Variants in GALNT9 observed in about 807,000 individuals in gnomAD.
The protein encoded by GALNT9 is GalNAc transferase 9.
A neutral mutation model predicts 63.1 loss-of-function variants in GALNT9; 47 were observed. The observed-to-expected ratio is 0.75, with a 90% CI of 0.59 to 0.95. The LOEUF (loss-of-function observed/expected upper bound fraction) is 0.95. Among genes scored for constraint, GALNT9 ranks in the 40% least tolerant of loss-of-function variants. The pLI, the probability that GALNT9 is intolerant of heterozygous loss-of-function variation, is 0.00. For synonymous variants in GALNT9, 396 were observed against 365.7 expected, an observed-to-expected ratio of 1.08 and a Z score of -0.94; for missense variants, 829 against 874.8, an observed-to-expected ratio of 0.95 and a Z score of 0.66.
At chr12:132,219,344 T>C (rs1877343946) in intron 6 of GALNT9, among the ~76,000 whole-genome samples, 1 of 152,192 alleles carries the variant, frequency 6.6e-6, no homozygotes, top group Admixed American at 6.5e-5. Flanking sequence ...GATAGATCAG[T>C]TGTTTTAAAA....
intron 1 of GALNT9, among the ~76,000 whole-genome samples, chr12:132,303,344 A>C (rs1881381484): frequency 6.6e-6 from 1 of 150,430 alleles, no homozygotes; most frequent in Admixed American, 6.6e-5. Context: ...ACCACCAAAA[A>C]CGGAAGCAGA....
intron 3 of GALNT9, among the ~76,000 whole-genome samples, chr12:132,261,532 G>C (rs1398929485): frequency 6.6e-6 from 1 of 152,188 alleles, no homozygotes; most frequent in Non-Finnish European, 1.5e-5. Flanking sequence ...ACAGGTAGCC[G>C]AGCTGGACTG....
chr12:132,204,172 A>T lies in GALNT9; in HGVS notation c.1078-482T>A, dbSNP rs111286744. 2.1e-4 allele frequency among the ~76,000 whole-genome samples: 3 copies of T among 14,406 alleles called. No individual in the cohort carries two copies. The Admixed American group carries it at 2.1e-3, about 10-fold the overall frequency. The allele number at this position is 14,406 out of a possible 152,430, so 9.5% of individuals were successfully genotyped here. A position where few individuals can be genotyped will look rare whatever the true frequency, so the allele number is the denominator to read the frequency against. The stretch of plus-strand genomic sequence containing the variant: ...AATCAAAAGCCCAACCAGCCTCCCC[A>T]GCTAATAAAACCCCGCAGCCCCTGG... On this transcript the variant is annotated intron_variant, in intron 6 of 10. Transcript: ENST00000328957.
At chr12:132,309,880 G>A (rs996468976) in intron 1 of GALNT9, among the ~76,000 whole-genome samples, 3 of 152,236 alleles carry the variant, frequency 2.0e-5, no homozygotes, top group South Asian at 2.1e-4. Flanking sequence ...GCCACCACCC[G>A]TCCCCTGTTC....
intron 6 of GALNT9, among the ~76,000 whole-genome samples, chr12:132,215,461 G>A (rs1003407442): frequency 6.6e-6 from 1 of 152,252 alleles, no homozygotes. Flanking sequence ...TGGCCTCGAC[G>A]GAGAGCACAA....
chr12:132,213,057 CCGGG>C, intron 6 of GALNT9, among the ~76,000 whole-genome samples: 1 of 126,912 alleles, frequency 7.9e-6, no homozygotes, highest in African/African-American at 3.0e-5. Context: ...GAAACCCCAC[CCGGG>C]TCTGCAGCCC....
chr12:132,206,332 A>G (rs1054299409), intron 6 of GALNT9, among the ~76,000 whole-genome samples: 8 of 152,080 alleles, frequency 5.3e-5, no homozygotes, highest in Non-Finnish European at 1.2e-4. Context: ...TCAAAGCTCT[A>G]GTGCCAGAGA....
intron 6 of GALNT9, among the ~76,000 whole-genome samples, chr12:132,212,977 C>T (rs546575898): frequency 6.8e-6 from 1 of 147,364 alleles, no homozygotes; most frequent in African/African-American, 2.5e-5. Flanking sequence ...GAAACCCCAC[C>T]CGGGTCTACA....
chr12:132,215,878 C>T (rs1163933290), intron 6 of GALNT9, among the ~76,000 whole-genome samples: 3 of 150,880 alleles, frequency 2.0e-5, no homozygotes, highest in South Asian at 4.2e-4. Context: ...GGTGAGGGGG[C>T]GGAGAGTAGG....
chr12:132,266,174 G>A (rs931495434), intron 2 of GALNT9, among the ~76,000 whole-genome samples: 3 of 149,206 alleles, frequency 2.0e-5, no homozygotes, highest in African/African-American at 7.5e-5. Flanking sequence ...CGTATTTCAT[G>A]AACAGGCATG....
rs1303922129 is a variant in GALNT9 at position 132,316,700 on chromosome 12, G to T, written c.238+12266C>A. Among the ~76,000 whole-genome samples, 1 of 151,928 alleles carries T rather than the reference G, an allele frequency of 6.6e-6. No individual in the cohort carries two copies. Among genetic ancestry groups the T allele is most frequent in the Non-Finnish European group, 1.5e-5 (1 of 67,942 alleles). ...TCAGCCACCCTTTCAGATCCGACAG[G>T]GACGCCCACCCCAGCCCACTCCCTC... On this transcript the variant is annotated intron_variant, in intron 1 of 10. Coordinates refer to ENST00000328957, the MANE Select transcript of GALNT9 (RefSeq NM_001122636.2). This position sits in a 1 kb window ranked among gnomAD's most constrained non-coding sequence, Gnocchi z 4.3.
chr12:132,198,495 G>C (rs896097848), intron 9 of GALNT9, among the ~76,000 whole-genome samples: 3 of 151,486 alleles, frequency 2.0e-5, no homozygotes, highest in African/African-American at 7.3e-5. Flanking sequence ...GGGAGTGCTC[G>C]GAGGTCAACA....
At chr12:132,292,833 G>C (rs73473536) in intron 1 of GALNT9, among the ~76,000 whole-genome samples, 3,233 of 152,282 alleles carry the variant, frequency 0.021, 134 homozygotes, top group African/African-American at 0.074. Context: ...ACCGTTGTTC[G>C]GTGGAATCCA....
chr12:132,286,610 G>A lies in GALNT9; in HGVS notation c.239-180C>T, dbSNP rs1177099020. The stretch of plus-strand genomic sequence containing the variant: ...TCCAGAAAGTGCAAGGCTGTGCGCG[G>A]AGTGAGAGGGCGGTGCCAGGCGGAA... On this transcript the variant is annotated intron_variant, in intron 1 of 10. Transcript: ENST00000328957. The surrounding 1 kb of genome is among the most constrained non-coding windows in gnomAD (Gnocchi z 7.4). The A allele has an allele frequency of 1.0e-5, 11 of 1,100,692 alleles. No individual in the cohort carries two copies. Among genetic ancestry groups the A allele is most frequent in the Non-Finnish European group, 1.4e-5 (11 of 799,494 alleles). The allele number at this position is 1,100,692 out of a possible 1,614,324, so 68.2% of individuals were successfully genotyped here. A position where few individuals can be genotyped will look rare whatever the true frequency, so the allele number is the denominator to read the frequency against.
intron 5 of GALNT9, among the ~76,000 whole-genome samples, chr12:132,254,516 T>C (rs1195661394): frequency 6.6e-6 from 1 of 152,082 alleles, no homozygotes; most frequent in Non-Finnish European, 1.5e-5. Context: ...TGATCCTCTA[T>C]GCGAGAGGAG....
rs28577073 is a variant in GALNT9 at position 132,327,783 on chromosome 12, C to A, written c.238+1183G>T. ...TGCTCTGAGTCAGACAAAGCTGGGA[C>A]AACCCCTCCTCATGGGGATTCACCT... On this transcript the variant is annotated intron_variant, in intron 1 of 10. Transcript: ENST00000328957. The surrounding 1 kb of genome is among the most constrained non-coding windows in gnomAD (Gnocchi z 4.3). 3.9e-3 allele frequency among the ~76,000 whole-genome samples: 599 copies of A among 152,206 alleles called. 25 individuals are homozygous for A. The East Asian group carries it at 0.074, about 19-fold the overall frequency.
Position 132,329,571 on chromosome 12 carries a change from C to T in GALNT9, c.-368G>A, listed in dbSNP as rs1315304031. On this transcript the variant is annotated 5_prime_UTR_variant, in exon 1 of 11. Transcript: ENST00000328957. ...CCTGTCCTGCCCGCCCCGCAGCCAC[C>T]GCGCCGGTGCAGAGTGACGCGGCCT... Among the ~76,000 whole-genome samples, 1 of 147,438 alleles carries T rather than the reference C, an allele frequency of 6.8e-6. No individual in the cohort carries two copies. Among genetic ancestry groups the T allele is most frequent in the Admixed American group, 6.7e-5 (1 of 14,878 alleles).
At chr12:132,213,474 T>C (rs369063326) in intron 6 of GALNT9, among the ~76,000 whole-genome samples, 14 of 44,048 alleles carry the variant, frequency 3.2e-4, no homozygotes, top group Admixed American at 1.9e-3. Flanking sequence ...ACAGGCACAC[T>C]CACACCCACA....
intron 5 of GALNT9, among the ~76,000 whole-genome samples, chr12:132,250,982 C>T (rs565839186): frequency 2.8e-4 from 42 of 152,296 alleles, no homozygotes; most frequent in Non-Finnish European, 4.6e-4. Context: ...TAAACAGCAG[C>T]GCGCGCGTAA....
Sources: gnomAD v4.1 joint callset for allele counts (sites outside exome capture counted in the v4.1 genomes callset) on GRCh38, gnomAD v4.1.1 for gene constraint, Gnocchi (gnomAD v3.1) non-coding constraint, MANE v1.5 for transcripts, NCBI Gene and HGNC (gene_info 2026-07-23, HGNC 2026-07-21) for gene names.